Variants in TAX1BP1 observed in about 807,000 individuals in gnomAD.
The protein encoded by TAX1BP1 is tax1-binding protein 1.
Under a neutral mutation model 97.7 loss-of-function variants are expected in TAX1BP1, and 62 were observed. That is an observed-to-expected ratio of 0.63 (90% CI 0.52 to 0.78). The LOEUF is 0.78. Among genes scored for constraint, TAX1BP1 ranks in the 30% least tolerant of loss-of-function variants. The pLI, the probability that TAX1BP1 is intolerant of heterozygous loss-of-function variation, is 0.00. For missense variants in TAX1BP1, 867 were observed against 916.1 expected, an observed-to-expected ratio of 0.95 and a Z score of 0.69; for synonymous variants, 340 against 304.2, an observed-to-expected ratio of 1.12 and a Z score of -1.23.
intron 4 of TAX1BP1, among the ~76,000 whole-genome samples, chr7:27,768,683 T>A (rs1471799692): frequency 1.3e-5 from 2 of 152,022 alleles, no homozygotes; most frequent in East Asian, 1.9e-4. Context: ...AATCATTTTT[T>A]AAAAATAGAT....
chr7:27,791,987 A>G lies in TAX1BP1; in HGVS notation c.1039-19A>G. 2 of 1,609,720 alleles carry G rather than the reference A, an allele frequency of 1.2e-6. No homozygotes were observed. Among genetic ancestry groups the G allele is most frequent in the Non-Finnish European group, 1.7e-6 (2 of 1,176,740 alleles). Reference sequence around the variant, plus strand: ...ACTTGAGTGGTTGAATTACAAATATATTTATCTGCTTTCTTCAGGAAGATA... The same window carrying G: ...ACTTGAGTGGTTGAATTACAAATATGTTTATCTGCTTTCTTCAGGAAGATA... On this transcript the variant is annotated intron_variant, in intron 8 of 16. Transcript: ENST00000396319.
rs149978051 is a variant in TAX1BP1, at chr7:27,744,392, T to G, written c.-8+4123T>G. On this transcript the variant is annotated intron_variant, in intron 1 of 16. Transcript: ENST00000396319. Reference sequence around the variant, plus strand: ...CGCCCGCCTCGGCCTCCCAAAGTGCTGGGATTACAGGCGTGAGCCACCGCA... The same window carrying G: ...CGCCCGCCTCGGCCTCCCAAAGTGCGGGGATTACAGGCGTGAGCCACCGCA... 4.1e-3 allele frequency among the ~76,000 whole-genome samples: 619 copies of G among 152,376 alleles called. 3 individuals carry two copies. The highest frequency in any genetic ancestry group is 0.02 in the Middle Eastern group (6 of 294).
intron 5 of TAX1BP1, among the ~76,000 whole-genome samples, chr7:27,779,030 A>C (rs1002771413): frequency 2.0e-5 from 3 of 151,958 alleles, no homozygotes; most frequent in African/African-American, 7.3e-5. Context: ...GGTAACCTTG[A>C]GTCTACTTTC....
At chr7:27,754,337 T>C (rs960413575) in intron 2 of TAX1BP1, among the ~76,000 whole-genome samples, 1 of 150,412 alleles carries the variant, frequency 6.6e-6, no homozygotes, top group Non-Finnish European at 1.5e-5. Flanking sequence ...ACTCATTTTC[T>C]GTTTTTAAAA....
chr7:27,829,667 A>G lies in TAX1BP1; in HGVS notation c.*838A>G, dbSNP rs998454156. Reference sequence around the variant, plus strand: ...CAGTAAGTGATTAAAAGTACAATACATAAACCCAAATCAAAGTAATGTGTT... The same window carrying G: ...CAGTAAGTGATTAAAAGTACAATACGTAAACCCAAATCAAAGTAATGTGTT... On this transcript the variant is annotated 3_prime_UTR_variant, in exon 17 of 17. Coordinates refer to ENST00000396319, the MANE Select transcript of TAX1BP1 (RefSeq NM_006024.7). The G allele has an allele frequency of 1.3e-5, 2 of 152,232 alleles. No homozygotes were observed. Among genetic ancestry groups the G allele is most frequent in the Non-Finnish European group, 2.9e-5 (2 of 68,018 alleles). The allele number at this position is 152,232 out of a possible 1,614,324, so 9.4% of individuals were successfully genotyped here. A position where few individuals can be genotyped will look rare whatever the true frequency, so the allele number is the denominator to read the frequency against.
intron 13 of TAX1BP1, among the ~76,000 whole-genome samples, chr7:27,801,693 A>G (rs919594647): frequency 3.9e-5 from 6 of 152,368 alleles, no homozygotes; most frequent in African/African-American, 1.2e-4. Flanking sequence ...TCTATAAGCC[A>G]TGGGAAGCTA....
chr7:27,805,976 A>G (rs1790320807), intron 13 of TAX1BP1, among the ~76,000 whole-genome samples: 1 of 152,194 alleles, frequency 6.6e-6, no homozygotes, highest in Non-Finnish European at 1.5e-5. Flanking sequence ...CTCAGCTTTG[A>G]AAACTACTGA....
At chr7:27,751,452 G>A (rs1788018112) in intron 2 of TAX1BP1, among the ~76,000 whole-genome samples, 1 of 151,984 alleles carries the variant, frequency 6.6e-6, no homozygotes, top group East Asian at 1.9e-4. Context: ...TACTACTGAT[G>A]CATCATAGTG....
At chr7:27,739,446 T>C (rs1787484978), upstream of TAX1BP1, 1 of 152,176 alleles carries the variant, frequency 6.6e-6, no homozygotes, top group East Asian at 1.9e-4. Context: ...AAACTGAATG[T>C]CCAATATAGG....
At chr7:27,742,400 A>G (rs1787653274) in intron 1 of TAX1BP1, among the ~76,000 whole-genome samples, 3 of 152,242 alleles carry the variant, frequency 2.0e-5, no homozygotes, top group South Asian at 4.1e-4. Flanking sequence ...GCCTTCAAGC[A>G]TCTGTTTAAC....
At chr7:27,757,009 T>C (rs1049882558) in intron 2 of TAX1BP1, among the ~76,000 whole-genome samples, 2 of 152,166 alleles carry the variant, frequency 1.3e-5, no homozygotes, top group Non-Finnish European at 2.9e-5. Flanking sequence ...CATGAACCAC[T>C]AAATTGGTTT....
chr7:27,742,836 A>T (rs1481429940), intron 1 of TAX1BP1, among the ~76,000 whole-genome samples: 1 of 152,238 alleles, frequency 6.6e-6, no homozygotes, highest in African/African-American at 2.4e-5. Flanking sequence ...ATTAACCAGC[A>T]AATACCTTTT....
chr7:27,802,186 C>T (rs888719556), intron 13 of TAX1BP1, among the ~76,000 whole-genome samples: 4 of 152,138 alleles, frequency 2.6e-5, no homozygotes, highest in Non-Finnish European at 1.5e-5. Context: ...AATGGAATTT[C>T]GGTGCTAGTT....
intron 1 of TAX1BP1, among the ~76,000 whole-genome samples, chr7:27,742,718 G>A (rs1051875932): frequency 6.6e-6 from 1 of 151,900 alleles, no homozygotes; most frequent in African/African-American, 2.4e-5. Flanking sequence ...CGCCTGCCTC[G>A]GCCTTCCAAA....
intron 2 of TAX1BP1, among the ~76,000 whole-genome samples, chr7:27,751,508 T>G (rs1387252612): frequency 6.6e-6 from 1 of 152,200 alleles, no homozygotes; most frequent in Non-Finnish European, 1.5e-5. Flanking sequence ...GGAATTTACA[T>G]TGTTGCTAAA....
intron 5 of TAX1BP1, among the ~76,000 whole-genome samples, chr7:27,770,254 ATTT>A (rs985870396): frequency 1.3e-5 from 2 of 152,050 alleles, no homozygotes; most frequent in African/African-American, 4.8e-5. Context: ...AAATTTTGAA[ATTT>A]TTAATGGGTG....
intron 13 of TAX1BP1, among the ~76,000 whole-genome samples, chr7:27,812,986 T>C (rs1401537073): frequency 6.6e-6 from 1 of 152,188 alleles, no homozygotes; most frequent in African/African-American, 2.4e-5. Context: ...AGAGACTGTG[T>C]GGCCTACAAA....
At position 27,828,724 on chromosome 7, in the gene TAX1BP1, G is replaced by A. The variant is rs77750724; in HGVS notation, c.2265G>A (p.Lys755=). The A allele has an allele frequency of 1.2e-4, 199 of 1,614,108 alleles. 1 individual carries two copies. The African/African-American group carries it at 2.2e-3, about 18-fold the overall frequency. The change falls in exon 17 of 17, where the codon AAG becomes AAA. Residue 755 remains lysine, a synonymous_variant. Coordinates refer to ENST00000396319, the MANE Select transcript of TAX1BP1 (RefSeq NM_006024.7). Reference sequence around the variant, plus strand: ...AAGAACATGTTGAAAGTCACTGGAAGGTGTGCCCGATGTGCAGCGAGCAGT... The same window carrying A: ...AAGAACATGTTGAAAGTCACTGGAAAGTGTGCCCGATGTGCAGCGAGCAGT... ...KFEEHVESHW[K]VCPMCSEQFP... is the part of the protein sequence containing the mutation.
chr7:27,790,241 C>A (rs1789654258), intron 8 of TAX1BP1, among the ~76,000 whole-genome samples: 1 of 151,840 alleles, frequency 6.6e-6, no homozygotes, highest in Non-Finnish European at 1.5e-5. Flanking sequence ...TTCATCATAA[C>A]AACTGCCTAG....
Sources: gnomAD v4.1 joint callset for allele counts (sites outside exome capture counted in the v4.1 genomes callset) on GRCh38, gnomAD v4.1.1 for gene constraint, MANE v1.5 for transcripts, NCBI Gene and HGNC (gene_info 2026-07-23, HGNC 2026-07-21) for gene names.